The following MCTP1 variants were observed in gnomAD, a reference collection of about 807,000 sequenced individuals.
MCTP1 encodes the protein multiple C2 and transmembrane domain containing 1.
Under a neutral mutation model 120.6 loss-of-function variants are expected in MCTP1, and 69 were observed. That is an observed-to-expected ratio of 0.57 (90% confidence interval 0.47 to 0.70). The LOEUF (loss-of-function observed/expected upper bound fraction) is 0.70, where lower values mean the gene tolerates loss of function less well. MCTP1 is among the 30% of genes least tolerant of loss of function. The pLI is 0.00. For missense variants in MCTP1, 1,203 were observed against 1,248.8 expected (o/e 0.96, Z 0.55); for synonymous variants, 529 against 493.1 (o/e 1.07, Z -0.96).
At chr5:94,816,630 T>C (rs1399683823) in intron 17 of MCTP1, among the ~76,000 whole-genome samples, 1 of 152,130 alleles carries the variant, frequency 6.6e-6, no homozygotes, top group African/African-American at 2.4e-5. Context: ...ACTTCAATTA[T>C]ATGTTTTTAT....
intron 1 of MCTP1, chr5:95,068,740 A>G: frequency 8.4e-7 from 1 of 1,186,520 alleles, no homozygotes; most frequent in Non-Finnish European, 1.1e-6. Flanking sequence ...CTAATTAAAC[A>G]CCGAGCTAAC....
chr5:95,021,955 T>C (rs775450702), intron 1 of MCTP1, among the ~76,000 whole-genome samples: 1 of 152,158 alleles, frequency 6.6e-6, no homozygotes, highest in Non-Finnish European at 1.5e-5. Context: ...ACTGCTGAAT[T>C]TTATCAATAG....
chr5:94,798,466 T>G, intron 18 of MCTP1, among the ~76,000 whole-genome samples: 1 of 152,140 alleles, frequency 6.6e-6, no homozygotes, highest in Non-Finnish European at 1.5e-5. Flanking sequence ...TGAAAGCTCC[T>G]CATCCTTAAG....
intron 19 of MCTP1, among the ~76,000 whole-genome samples, chr5:94,745,770 C>T (rs1437709966): frequency 1.3e-5 from 2 of 152,200 alleles, no homozygotes; most frequent in Non-Finnish European, 2.9e-5. Context: ...TGCTCGGCTG[C>T]AAGCAACAGA....
chr5:95,036,910 T>TG (rs1841416354), intron 1 of MCTP1, among the ~76,000 whole-genome samples: 1 of 33,044 alleles, frequency 3.0e-5, no homozygotes, highest in Non-Finnish European at 9.7e-5. Flanking sequence ...AATTTCATTC[T>TG]TTCACTCACT....
At chr5:95,165,863 A>T (rs1305605203) in intron 1 of MCTP1, among the ~76,000 whole-genome samples, 2 of 152,112 alleles carry the variant, frequency 1.3e-5, no homozygotes, top group Admixed American at 1.3e-4. Flanking sequence ...TGATGTTCCC[A>T]ATTGGTCCAG....
chr5:95,080,189 T>C (rs1248217942), intron 1 of MCTP1, among the ~76,000 whole-genome samples: 1 of 152,184 alleles, frequency 6.6e-6, no homozygotes, highest in Non-Finnish European at 1.5e-5. Context: ...CCTTTAGGCA[T>C]GTGTACTTTT....
At chr5:95,226,986 G>A (rs1489416165) in intron 1 of MCTP1, among the ~76,000 whole-genome samples, 2 of 152,090 alleles carry the variant, frequency 1.3e-5, no homozygotes, top group African/African-American at 2.4e-5. Flanking sequence ...TCCATACAGA[G>A]AGGAGATGCT....
At chr5:95,155,020 T>C (rs576194261) in intron 1 of MCTP1, among the ~76,000 whole-genome samples, 1 of 152,174 alleles carries the variant, frequency 6.6e-6, no homozygotes, top group African/African-American at 2.4e-5. Context: ...TGTATAATTT[T>C]ATAATGAATA....
chr5:94,869,202 G>A (rs184550411), intron 16 of MCTP1, among the ~76,000 whole-genome samples: 110 of 152,004 alleles, frequency 7.2e-4, no homozygotes, highest in Non-Finnish European at 1.1e-3. Flanking sequence ...TTGATGGTTC[G>A]AAAAATTACC....
chr5:95,040,417 C>T (rs554009140), intron 1 of MCTP1, among the ~76,000 whole-genome samples: 22 of 147,174 alleles, frequency 1.5e-4, no homozygotes, highest in African/African-American at 3.0e-4. Context: ...CCAGCCTTGG[C>T]GACATAGTAT....
chr5:95,284,425 C>T lies in MCTP1; in HGVS notation c.151G>A (p.Ala51Thr), dbSNP rs1418800385. The part of the protein sequence containing the change: ...GRAGGPERRT[A>T]DTPSPSPPPP... ...GGCGGGGAGGGCGACGGGGTGTCCGCAGTGCGGCGCTCTGGACCCCCAGCG... is the reference window on the plus strand; with the variant it reads ...GGCGGGGAGGGCGACGGGGTGTCCGTAGTGCGGCGCTCTGGACCCCCAGCG... The change falls in exon 1 of 23, where the codon GCG (alanine) becomes ACG (threonine). Residue 51 changes from alanine (A) to threonine (T), a missense_variant. By Grantham distance (58) the Ala-to-Thr change is moderately conservative. This residue lies in a region of MCTP1 where 463 missense variants were observed against 377.8 expected (regional missense o/e 1.23). Coordinates refer to ENST00000515393, the MANE Select transcript of MCTP1 (RefSeq NM_024717.7). The surrounding 1 kb of genome is among the most constrained non-coding windows in gnomAD (Gnocchi z 5.2). The T allele has an allele frequency of 8.3e-6, 13 of 1,559,086 alleles. No homozygotes were observed. The highest frequency in any genetic ancestry group is 5.4e-5 in the Admixed American group (3 of 55,110).
intron 1 of MCTP1, among the ~76,000 whole-genome samples, chr5:95,159,941 C>T (rs537968437): frequency 6.6e-6 from 1 of 152,158 alleles, no homozygotes; most frequent in East Asian, 1.9e-4. Flanking sequence ...AGAGTCAACA[C>T]ACCTGGAAAT....
chr5:94,866,747 T>G (rs1225437345), intron 17 of MCTP1, among the ~76,000 whole-genome samples: 3 of 134,426 alleles, frequency 2.2e-5, no homozygotes, highest in African/African-American at 9.7e-5. Context: ...AGTGCCTGAG[T>G]TTTTTTTTTT....
At chr5:95,121,277 CA>C (rs34423597) in intron 1 of MCTP1, among the ~76,000 whole-genome samples, 400 of 35,028 alleles carry the variant, frequency 0.011, no homozygotes, top group African/African-American at 0.031. Flanking sequence ...GACTCCATCA[CA>C]AAAAAAAAAA....
At chr5:95,215,117 C>T (rs969833388) in intron 1 of MCTP1, among the ~76,000 whole-genome samples, 4 of 152,176 alleles carry the variant, frequency 2.6e-5, no homozygotes, top group East Asian at 1.9e-4. Context: ...ACCATGATCA[C>T]GTCCATCTTG....
Position 95,284,641 on chromosome 5 carries a change from C to T in MCTP1, c.-66G>A. On this transcript the variant is annotated 5_prime_UTR_variant, in exon 1 of 23. Transcript: ENST00000515393. This position sits in a 1 kb window ranked among gnomAD's most constrained non-coding sequence, Gnocchi z 5.2. ...CCTCCTCCTGCTTCTCCTCCCTCTT[C>T]GGCTGCACCTCCTCCCGGGTCCCCG... 7.8e-7 allele frequency: 1 copy of T among 1,277,352 alleles called. No homozygotes were observed. The highest frequency in any genetic ancestry group is 3.1e-5 in the East Asian group (1 of 32,626). The allele number at this position is 1,277,352 out of a possible 1,614,324, so 79.1% of individuals were successfully genotyped here.
Position 95,241,897 on chromosome 5 carries a change from TG to T in MCTP1, c.720+41958del, listed in dbSNP as rs534636980. Among the ~76,000 whole-genome samples the T allele has an allele frequency of 1.5e-3, 223 of 152,266 alleles. 2 individuals are homozygous for T. The highest frequency in any genetic ancestry group is 5.2e-3 in the African/African-American group (215 of 41,576). ...TAGTCTGAAAAGCTAGAAAGTTACA[TG>T]CTTTCCAAAAAAGGAAACACTGAAC... On this transcript the variant is annotated intron_variant, in intron 1 of 22. Transcript: ENST00000515393.
intron 1 of MCTP1, among the ~76,000 whole-genome samples, chr5:95,113,649 G>A (rs1757613485): frequency 6.6e-6 from 1 of 152,186 alleles, no homozygotes; most frequent in Non-Finnish European, 1.5e-5. Context: ...GTTCCTGCAA[G>A]CCTTATCATC....
Sources: gnomAD v4.1 joint callset for allele counts (sites outside exome capture counted in the v4.1 genomes callset) on GRCh38, gnomAD v4.1.1 for gene constraint, gnomAD v4.1.1 regional missense constraint, Gnocchi (gnomAD v3.1) non-coding constraint, MANE v1.5 for transcripts, NCBI Gene and HGNC (gene_info 2026-07-23, HGNC 2026-07-21) for gene names.